PRKCH: variants seen among roughly 807,000 people sequenced by gnomAD.
PRKCH encodes the protein protein kinase C eta.
Under a neutral mutation model 82.5 loss-of-function variants are expected in PRKCH, and 28 were observed. That is an observed-to-expected ratio of 0.34 (90% CI 0.25 to 0.47). The LOEUF is 0.47. Among genes scored for constraint, PRKCH ranks in the 20% least tolerant of loss-of-function variants. The probability of loss-of-function intolerance (pLI) is 1.00; values close to 1 mark genes in which losing one functional copy is unlikely to be tolerated. For synonymous variants in PRKCH, 322 were observed against 327.4 expected (o/e 0.98, Z 0.18); for missense variants, 705 against 881.8 (o/e 0.80, Z 2.54).
intron 1 of PRKCH, among the ~76,000 whole-genome samples, chr14:61,266,378 A>G (rs1168962629): frequency 6.6e-6 from 1 of 152,222 alleles, no homozygotes; most frequent in Non-Finnish European, 1.5e-5. Flanking sequence ...AGATTGTGCC[A>G]CTGAACTCCA....
At chr14:61,286,645 G>T (rs776693735) in intron 1 of PRKCH, among the ~76,000 whole-genome samples, 1 of 151,988 alleles carries the variant, frequency 6.6e-6, no homozygotes, top group South Asian at 2.1e-4. Context: ...GTATGGTGGC[G>T]CATGCCTGTA....
intron 1 of PRKCH, among the ~76,000 whole-genome samples, chr14:61,330,677 A>G (rs1951957): frequency 0.55 from 83,101 of 152,134 alleles, 26,642 homozygotes; most frequent in Non-Finnish European, 0.71. Context: ...GAAGGCATTT[A>G]GTGCTGTGGT....
chr14:61,448,981 C>T (rs1884358364), intron 4 of PRKCH, among the ~76,000 whole-genome samples, 183 bp from the exon 5 acceptor site: 1 of 152,088 alleles, frequency 6.6e-6, no homozygotes, highest in African/African-American at 2.4e-5. Context: ...TAGTTTGAGC[C>T]TGAGCAAAGG....
At chr14:61,221,245 G>A (rs1343127146) in intron 1 of PRKCH, among the ~76,000 whole-genome samples, 1 of 152,146 alleles carries the variant, frequency 6.6e-6, no homozygotes, top group Non-Finnish European at 1.5e-5. Flanking sequence ...TCCCTGATGA[G>A]CCAGAGACAT....
chr14:61,238,633 TCTC>T (rs1229689497), intron 1 of PRKCH, among the ~76,000 whole-genome samples: 1 of 152,184 alleles, frequency 6.6e-6, no homozygotes, highest in African/African-American at 2.4e-5. Flanking sequence ...ATCCCCTGAC[TCTC>T]CTCTTTTTCC....
intron 2 of PRKCH, among the ~76,000 whole-genome samples, chr14:61,401,202 AT>A (rs1342225832): frequency 6.6e-6 from 1 of 152,126 alleles, no homozygotes; most frequent in Non-Finnish European, 1.5e-5. Flanking sequence ...TGAGTTTAAG[AT>A]TTGCTCAGGT....
chr14:61,414,823 C>T (rs1882469874), intron 2 of PRKCH, among the ~76,000 whole-genome samples: 1 of 152,182 alleles, frequency 6.6e-6, no homozygotes, highest in South Asian at 2.1e-4. Flanking sequence ...TGTCCCCACA[C>T]TCTTGAATAT....
At chr14:61,312,597 A>T (rs1284802982) in intron 1 of PRKCH, among the ~76,000 whole-genome samples, 1 of 152,124 alleles carries the variant, frequency 6.6e-6, no homozygotes, top group Non-Finnish European at 1.5e-5. Flanking sequence ...TCAGTTCCAC[A>T]TGGCTGGGGA....
chr14:61,458,231 C>G (rs938636958), intron 9 of PRKCH, among the ~76,000 whole-genome samples: 1 of 152,174 alleles, frequency 6.6e-6, no homozygotes, highest in Non-Finnish European at 1.5e-5. Flanking sequence ...TAATGGCGTG[C>G]GTTTAGGAAT....
At chr14:61,249,256 A>G (rs1474475032) in intron 1 of PRKCH, among the ~76,000 whole-genome samples, 1 of 152,224 alleles carries the variant, frequency 6.6e-6, no homozygotes, top group East Asian at 1.9e-4. Flanking sequence ...TTTAACAGTG[A>G]CTGCAGCTTC....
Position 61,210,774 on chromosome 14 carries a change from C to CTGTG in PRKCH, c.-19+23107_-19+23108insGTGT, listed in dbSNP as rs879725488. Among the ~76,000 whole-genome samples, 5 of 110,926 alleles carry CTGTG rather than the reference C, an allele frequency of 4.5e-5. No individual in the cohort carries two copies. The East Asian group carries it at 1.1e-3, about 25-fold the overall frequency. 72.8% of individuals were successfully genotyped at this position (110,926 alleles called of 152,430 possible). ...GTCCTTTCTCTCTCTCTCTCTCTCTCTCTCTCTCTCTCTCTCTGTGTGTGT... is the reference window on the plus strand; with the variant it reads ...GTCCTTTCTCTCTCTCTCTCTCTCTCTGTGTCTCTCTCTCTCTCTCTGTGTGTGT... On this transcript the variant is annotated intron_variant, in intron 1 of 3. Transcript: ENST00000555185.
intron 1 of PRKCH, among the ~76,000 whole-genome samples, chr14:61,240,596 G>T (rs1331170105): frequency 6.6e-6 from 1 of 151,928 alleles, no homozygotes; most frequent in Non-Finnish European, 1.5e-5. Flanking sequence ...GCCTCTTTCG[G>T]TTAGAAAGGA....
chr14:61,374,160 A>T (rs189339128), intron 1 of PRKCH, among the ~76,000 whole-genome samples: 1 of 152,124 alleles, frequency 6.6e-6, no homozygotes, highest in Non-Finnish European at 1.5e-5. Context: ...AAAGCTCCAA[A>T]GTAATCTCCT....
intron 2 of PRKCH, among the ~76,000 whole-genome samples, chr14:61,398,645 A>C (rs976688237): frequency 6.6e-6 from 1 of 152,122 alleles, no homozygotes; most frequent in Non-Finnish European, 1.5e-5. Flanking sequence ...TTTGCCCAAA[A>C]CTCAAGCCTT....
chr14:61,546,293 C>T (rs555487693), intron 12 of PRKCH, among the ~76,000 whole-genome samples: 1 of 152,252 alleles, frequency 6.6e-6, no homozygotes, highest in South Asian at 2.1e-4. Context: ...GAAGTGGCAG[C>T]TGCTCTGACT....
rs187870808 is a variant in PRKCH at position 61,343,901 on chromosome 14, T to G, written c.363+21437T>G. On this transcript the variant is annotated intron_variant, in intron 1 of 13. Coordinates refer to ENST00000332981, the MANE Select transcript of PRKCH (RefSeq NM_006255.5). Reference sequence around the variant, plus strand: ...CCTGGTCCGGGATCCTGACAGTCAGTTCTTCAGCTCTGTGCCTCCAGAATT... The same window carrying G: ...CCTGGTCCGGGATCCTGACAGTCAGGTCTTCAGCTCTGTGCCTCCAGAATT... 4.7e-4 allele frequency among the ~76,000 whole-genome samples: 72 copies of G among 152,338 alleles called. No homozygotes were observed. The East Asian group carries it at 8.3e-3, about 18-fold the overall frequency.
intron 9 of PRKCH, among the ~76,000 whole-genome samples, chr14:61,465,610 T>C (rs2140305226): frequency 6.6e-6 from 1 of 152,380 alleles, no homozygotes; most frequent in South Asian, 2.1e-4. Context: ...AGTACCATAA[T>C]GTTTTGATTA....
At chr14:61,516,486 G>C (rs1400317673) in intron 10 of PRKCH, among the ~76,000 whole-genome samples, 1 of 152,124 alleles carries the variant, frequency 6.6e-6, no homozygotes, top group Non-Finnish European at 1.5e-5. Context: ...CTTTTATTAA[G>C]AATGCTATGA....
chr14:61,221,426 TG>T (rs2044655282), intron 1 of PRKCH, among the ~76,000 whole-genome samples: 1 of 152,170 alleles, frequency 6.6e-6, no homozygotes, highest in Non-Finnish European at 1.5e-5. Flanking sequence ...TTTTCCTTCT[TG>T]GTTTGCTCTC....
Sources: gnomAD v4.1 joint callset for allele counts (sites outside exome capture counted in the v4.1 genomes callset) on GRCh38, gnomAD v4.1.1 for gene constraint, MANE v1.5 for transcripts, NCBI Gene and HGNC (gene_info 2026-07-23, HGNC 2026-07-21) for gene names.